Variants in MDGA2 observed in about 807,000 individuals in gnomAD.
MDGA2 encodes the protein MAM domain-containing glycosylphosphatidylinositol anchor protein 2.
A neutral mutation model predicts 117.8 loss-of-function variants in MDGA2; 40 were observed. The observed-to-expected ratio is 0.34, with a 90% CI of 0.26 to 0.44. The LOEUF is 0.44. MDGA2 is among the 20% of genes least tolerant of loss of function. The pLI, the probability that MDGA2 is intolerant of heterozygous loss-of-function variation, is 1.00. For synonymous variants in MDGA2, 452 were observed against 439.0 expected, an observed-to-expected ratio of 1.03 and a Z score of -0.37; for missense variants, 1,123 against 1,250.6, an observed-to-expected ratio of 0.90 and a Z score of 1.54.
At chr14:47,100,114 T>C (rs1050513399) in intron 5 of MDGA2, among the ~76,000 whole-genome samples, 2 of 152,074 alleles carry the variant, frequency 1.3e-5, no homozygotes, top group African/African-American at 2.4e-5. Flanking sequence ...CATATTTAAA[T>C]ACATCTCTAC....
intron 1 of MDGA2, among the ~76,000 whole-genome samples, chr14:47,547,951 A>G (rs909631057): frequency 3.3e-5 from 5 of 152,144 alleles, no homozygotes; most frequent in Admixed American, 6.5e-5. Context: ...TTGATCCAAT[A>G]TAACTATGTT....
intron 6 of MDGA2, among the ~76,000 whole-genome samples, chr14:47,091,419 A>G (rs1879649606): frequency 6.6e-6 from 1 of 152,182 alleles, no homozygotes; most frequent in South Asian, 2.1e-4. Flanking sequence ...TGATGTGATA[A>G]GAAGCAATAA....
chr14:47,592,049 G>GA (rs902859111), intron 1 of MDGA2, among the ~76,000 whole-genome samples: 10 of 151,582 alleles, frequency 6.6e-5, no homozygotes, highest in African/African-American at 2.2e-4. Flanking sequence ...AAAATCTAAG[G>GA]AAAAAAAATC....
At chr14:47,046,993 C>A (rs1230204218) in intron 7 of MDGA2, among the ~76,000 whole-genome samples, 1 of 152,124 alleles carries the variant, frequency 6.6e-6, no homozygotes, top group East Asian at 1.9e-4. Context: ...AGAGATAATA[C>A]CAATTTATTT....
chr14:46,937,683 C>A (rs1386144375), intron 9 of MDGA2, among the ~76,000 whole-genome samples: 1 of 152,026 alleles, frequency 6.6e-6, no homozygotes, highest in Non-Finnish European at 1.5e-5. Context: ...ACAAAGGTGC[C>A]AAGAACATTC....
At chr14:47,224,330 T>TAGATATAGA (rs1566688963) in intron 2 of MDGA2, among the ~76,000 whole-genome samples, 1 of 151,834 alleles carries the variant, frequency 6.6e-6, no homozygotes, top group African/African-American at 2.4e-5. Context: ...GATATAGATA[T>TAGATATAGA]TTCCTGAAAC....
chr14:47,675,036 G>A lies in MDGA2; in HGVS notation c.-240C>T, dbSNP rs2138328033. ...TGGGCCGGCGGCGGGCGCGGGCAGG[G>A]GGCCGGGGGTGCCGCGCGGTAGGAG... On this transcript the variant is annotated 5_prime_UTR_variant, in exon 1 of 17. Transcript: ENST00000399232. The A allele has an allele frequency of 5.2e-6, 1 of 192,838 alleles. No individual in the cohort carries two copies. The highest frequency in any genetic ancestry group is 1.5e-4 in the East Asian group (1 of 6,876). The allele number at this position is 192,838 out of a possible 1,614,324, so 11.9% of individuals were successfully genotyped here.
rs534811373 is a variant in MDGA2, at chr14:47,634,361, A to G, written c.280+40156T>C. On this transcript the variant is annotated intron_variant, in intron 1 of 16. Coordinates refer to ENST00000399232, the MANE Select transcript of MDGA2 (RefSeq NM_001113498.3). Reference sequence around the variant, plus strand: ...ACTGATTTCAATTATGTAAAAAATTATATAATCATATCAAGAAGTAGACAA... The same window carrying G: ...ACTGATTTCAATTATGTAAAAAATTGTATAATCATATCAAGAAGTAGACAA... Among the ~76,000 whole-genome samples the G allele has an allele frequency of 7.2e-5, 11 of 152,220 alleles. No homozygotes were observed. The South Asian group carries it at 2.1e-3, about 29-fold the overall frequency.
At chr14:47,607,521 T>C (rs993612789) in intron 1 of MDGA2, among the ~76,000 whole-genome samples, 10 of 152,142 alleles carry the variant, frequency 6.6e-5, no homozygotes, top group Non-Finnish European at 1.2e-4. Flanking sequence ...CATTTTAAAC[T>C]GGGAAATGGT....
intron 1 of MDGA2, among the ~76,000 whole-genome samples, chr14:47,446,021 T>C (rs1893114956): frequency 6.6e-6 from 1 of 152,206 alleles, no homozygotes; most frequent in East Asian, 1.9e-4. Context: ...CACATAGCTT[T>C]GTAGTCTTAG....
intron 8 of MDGA2, among the ~76,000 whole-genome samples, chr14:47,034,528 T>A (rs1395002704): frequency 6.6e-6 from 1 of 152,020 alleles, no homozygotes; most frequent in Admixed American, 6.6e-5. Context: ...AATGATTAGA[T>A]CTCCATAATT....
intron 1 of MDGA2, among the ~76,000 whole-genome samples, chr14:47,442,287 C>T (rs1223789847): frequency 9.9e-5 from 15 of 152,032 alleles, no homozygotes; most frequent in Admixed American, 5.9e-4. Flanking sequence ...ATGGTACAGA[C>T]CTAATGGTGA....
chr14:46,961,174 G>A (rs1049310771), intron 8 of MDGA2, among the ~76,000 whole-genome samples: 9 of 151,748 alleles, frequency 5.9e-5, no homozygotes, highest in African/African-American at 1.5e-4. Context: ...TTCAATATAC[G>A]GTTCCTAGTG....
intron 9 of MDGA2, among the ~76,000 whole-genome samples, chr14:46,954,920 C>T (rs927429429): frequency 1.3e-5 from 2 of 152,034 alleles, no homozygotes; most frequent in African/African-American, 4.8e-5. Flanking sequence ...GAATCATTAA[C>T]TCTTTTGTTC....
intron 5 of MDGA2, among the ~76,000 whole-genome samples, chr14:47,129,862 ATG>A (rs1267668593): frequency 6.7e-5 from 10 of 148,270 alleles, no homozygotes; most frequent in African/African-American, 2.6e-4. Context: ...GCATTTTTTC[ATG>A]TGTTTTTTGG....
At chr14:47,453,535 G>C (rs1274218969) in intron 1 of MDGA2, among the ~76,000 whole-genome samples, 2 of 152,078 alleles carry the variant, frequency 1.3e-5, no homozygotes, top group African/African-American at 2.4e-5. Flanking sequence ...GAACTGTCTA[G>C]AAGTCTGTTT....
chr14:47,293,988 C>T lies in MDGA2; in HGVS notation c.420+7423G>A, dbSNP rs558042595. On this transcript the variant is annotated intron_variant, in intron 2 of 16. Transcript: ENST00000399232. ...AGTGTTTCCTCCTAAACAAGCTATG[C>T]TAATACATTTATTCATGTAACCATG... Among the ~76,000 whole-genome samples, 23 of 151,894 alleles carry T rather than the reference C, an allele frequency of 1.5e-4. 1 individual carries two copies. Among genetic ancestry groups the T allele is most frequent in the East Asian group, 3.9e-4 (2 of 5,150 alleles).
At chr14:47,503,562 G>C (rs566167961) in intron 1 of MDGA2, among the ~76,000 whole-genome samples, 17 of 151,376 alleles carry the variant, frequency 1.1e-4, no homozygotes, top group Non-Finnish European at 2.4e-4. Context: ...CCGCCACCAC[G>C]CCCAGCTAAT....
chr14:47,418,929 A>G (rs909278917), intron 1 of MDGA2, among the ~76,000 whole-genome samples: 2 of 152,188 alleles, frequency 1.3e-5, no homozygotes, highest in Non-Finnish European at 2.9e-5. Flanking sequence ...TGGTGACAAA[A>G]AGTGGAATAC....
Sources: allele counts gnomAD v4.1 joint callset (sites outside exome capture counted in the v4.1 genomes callset), GRCh38; gene constraint gnomAD v4.1.1; transcripts MANE v1.5; gene names NCBI Gene and HGNC (gene_info 2026-07-23, HGNC 2026-07-21).